AKNA: variants seen among roughly 807,000 people sequenced by gnomAD.
AKNA encodes AT-hook transcription factor.
Under a neutral mutation model 138.8 loss-of-function variants are expected in AKNA, and 67 were observed. The observed-to-expected ratio is 0.48, with a 90% confidence interval of 0.40 to 0.59. The LOEUF (loss-of-function observed/expected upper bound fraction) is 0.59, where lower values mean the gene tolerates loss of function less well. Ranked by LOEUF, AKNA falls within the 20% of genes least tolerant of loss-of-function variation. The pLI, the probability that AKNA is intolerant of heterozygous loss-of-function variation, is 0.00. For missense variants in AKNA, 1,813 were observed against 1,880.4 expected, an observed-to-expected ratio of 0.96 and a Z score of 0.66; for synonymous variants, 737 against 754.4, an observed-to-expected ratio of 0.98 and a Z score of 0.38.
chr9:114,388,179 G>T (rs1388235618), upstream of AKNA: 1 of 216,760 alleles, frequency 4.6e-6, no homozygotes, highest in African/African-American at 2.3e-5. Context: ...CGCAGTCAGC[G>T]CTGCCCAGGA....
At position 114,381,124 on chromosome 9, in the gene AKNA, C is replaced by T. The variant is rs1215417651; in HGVS notation, c.210G>A (p.Glu70=). The change falls in exon 2 of 22, where the codon GAG becomes GAA. Residue 70 remains glutamate, a synonymous_variant. Coordinates refer to ENST00000374088, the MANE Select transcript of AKNA (RefSeq NM_001317950.2). The stretch of plus-strand genomic sequence containing the variant: ...CATCGGGCTGCGGGTGTGGGTCCCA[C>T]TCCAGGGGCGGCAGGTGCTGCTGGG... ...RLAQQHLPPL[E]WDPHPQPDGH... 1.9e-6 allele frequency: 3 copies of T among 1,612,828 alleles called. No individual in the cohort carries two copies. The highest frequency in any genetic ancestry group is 1.3e-5 in the African/African-American group (1 of 75,048).
upstream of AKNA, among the ~76,000 whole-genome samples, chr9:114,390,645 C>T (rs548330134): frequency 3.3e-5 from 5 of 152,358 alleles, no homozygotes; most frequent in East Asian, 1.9e-4. Flanking sequence ...ATGCTTCAGA[C>T]GCACAGCTAG....
chr9:114,376,890 G>A lies in AKNA; in HGVS notation c.917C>T (p.Pro306Leu). 6.2e-7 allele frequency: 1 copy of A among 1,614,226 alleles called. No homozygotes were observed. Among genetic ancestry groups the A allele is most frequent in the African/African-American group, 1.3e-5 (1 of 75,066 alleles). ...GGAGCCAATGAATCGGGAAGGGAGTGGCTTAGGTGACGTCTTTGTCTGCTT... is the reference window on the plus strand; with the variant it reads ...GGAGCCAATGAATCGGGAAGGGAGTAGCTTAGGTGACGTCTTTGTCTGCTT... ...IWKQTKTSPK[P>L]LPSRFIGSIS... Residue 306 changes from proline to leucine, a missense_variant, in exon 3 of 22, where the codon CCA becomes CTA. Coordinates refer to ENST00000374088, the MANE Select transcript of AKNA (RefSeq NM_001317950.2).
In AKNA at chr9:114,381,410, G is replaced by C. The variant is rs543463343; in HGVS notation, c.-77C>G. ...TGCTGCCAGGGGCCCCAGAGTCACC[G>C]CTGGTTCCTGTCAGCATCGGCCATC... is the stretch of plus-strand genomic sequence containing the variant. On this transcript the variant is annotated 5_prime_UTR_variant, in exon 2 of 22. Coordinates refer to ENST00000374088, the MANE Select transcript of AKNA (RefSeq NM_001317950.2). 77 of 1,448,926 alleles carry C rather than the reference G, an allele frequency of 5.3e-5. No homozygotes were observed. Among genetic ancestry groups the C allele is most frequent in the Non-Finnish European group, 7.0e-5 (77 of 1,104,882 alleles). The allele number at this position is 1,448,926 out of a possible 1,614,324, so 89.8% of individuals were successfully genotyped here.
At position 114,355,910 on chromosome 9, in the gene AKNA, G is replaced by T; in HGVS notation, c.3058+15C>A. The T allele has an allele frequency of 6.2e-7, 1 of 1,613,470 alleles. No homozygotes were observed. The highest frequency in any genetic ancestry group is 8.5e-7 in the Non-Finnish European group (1 of 1,179,578). ...AACCCATGCAGTTCTGTCCAAGTCAGACTCCTGCACTCACCCATCTCGGCT... is the reference window on the plus strand; with the variant it reads ...AACCCATGCAGTTCTGTCCAAGTCATACTCCTGCACTCACCCATCTCGGCT... On this transcript the variant is annotated intron_variant, in intron 14 of 21. Transcript: ENST00000374088.
rs1251364863 is a variant in AKNA at position 114,387,982 on chromosome 9, T to G, written c.-236A>C. ...GCCCTGGCCCACCTCCAGGCCGTTC[T>G]GCCAGCCCAAGCTGCTGCTCACAGA... On this transcript the variant is annotated 5_prime_UTR_variant, in exon 1 of 22. Transcript: ENST00000374088. The G allele has an allele frequency of 2.4e-6, 1 of 413,538 alleles. No homozygotes were observed. Among genetic ancestry groups the G allele is most frequent in the Non-Finnish European group, 5.0e-6 (1 of 198,590 alleles). The allele number at this position is 413,538 out of a possible 1,614,324, so 25.6% of individuals were successfully genotyped here. A position where few individuals can be genotyped will look rare whatever the true frequency, so the allele number is the denominator to read the frequency against.
Position 114,376,886 on chromosome 9 carries a change from G to C in AKNA, c.921C>G (p.Leu307=), listed in dbSNP as rs1307100861. The change falls in exon 3 of 22, where the codon CTC becomes CTG. Residue 307 remains leucine (L), a synonymous_variant. Coordinates refer to ENST00000374088, the MANE Select transcript of AKNA (RefSeq NM_001317950.2). ...WKQTKTSPKP[L]PSRFIGSISP... ...TGATGGAGCCAATGAATCGGGAAGG[G>C]AGTGGCTTAGGTGACGTCTTTGTCT... 9.9e-6 allele frequency: 16 copies of C among 1,614,106 alleles called. No individual in the cohort carries two copies. The highest frequency in any genetic ancestry group is 1.3e-5 in the Non-Finnish European group (15 of 1,180,030).
At position 114,359,686 on chromosome 9, in the gene AKNA, C is replaced by T. The variant is rs148322013; in HGVS notation, c.2400G>A (p.Gly800=). 8.7e-6 allele frequency: 14 copies of T among 1,613,040 alleles called. No individual in the cohort carries two copies. The African/African-American group carries it at 1.9e-4, about 22-fold the overall frequency. Residue 800 remains glycine, a synonymous_variant, in exon 11 of 22, where the codon GGG becomes GGA. Transcript: ENST00000374088. ...CTGCTTTCCCTGGAGTTGCAGCCAC[C>T]CCATCAACTTCCAGGGAGTCACCTC... ...EGGGDSLEVD[G]VAATPGKAEA...
downstream of AKNA, among the ~76,000 whole-genome samples, chr9:114,332,561 C>T (rs906024224): frequency 1.3e-5 from 2 of 151,970 alleles, no homozygotes; most frequent in Non-Finnish European, 2.9e-5. Flanking sequence ...AAAACAATTC[C>T]TTCCATTTGC....
chr9:114,369,111 A>G (rs1210926363), intron 4 of AKNA, among the ~76,000 whole-genome samples: 1 of 152,264 alleles, frequency 6.6e-6, no homozygotes, highest in Non-Finnish European at 1.5e-5. Flanking sequence ...TGAACCAGCA[A>G]GTAAACAAAC....
intron 1 of AKNA, among the ~76,000 whole-genome samples, chr9:114,385,188 G>A (rs2132118558): frequency 6.6e-6 from 1 of 152,280 alleles, no homozygotes; most frequent in Admixed American, 6.5e-5. Context: ...TCTAATCCTT[G>A]CTTCTCATAC....
chr9:114,388,124 C>T (rs774911679), upstream of AKNA: 6 of 261,710 alleles, frequency 2.3e-5, no homozygotes, highest in South Asian at 3.1e-5. Flanking sequence ...GGTTTGTCTG[C>T]GTGCAGAGCA....
chr9:114,359,820 T>C lies in AKNA; in HGVS notation c.2292-26A>G, dbSNP rs1370449652. ...CTGCAGAAGAACACACAGAGGGGCA[T>C]GACCTCTGCCCAGTGGGGGACAGCC... On this transcript the variant is annotated intron_variant, in intron 10 of 21. Transcript: ENST00000374088. 1.9e-6 allele frequency: 3 copies of C among 1,609,080 alleles called. No individual in the cohort carries two copies. In the East Asian group the frequency reaches 6.7e-5, roughly 36 times the overall value.
At chr9:114,331,581 C>G (rs146308825), downstream of AKNA, 140 of 1,613,816 alleles carry the variant, frequency 8.7e-5, 2 homozygotes, top group African/African-American at 1.5e-3. Context: ...AGGCCGAGAA[C>G]ATGTTGCTCA....
chr9:114,359,503 G>A, intron 11 of AKNA, 91 bp downstream of exon 11: 1 of 1,598,918 alleles, frequency 6.3e-7, no homozygotes, highest in Non-Finnish European at 8.5e-7. Flanking sequence ...TGTCTAAACT[G>A]TGAAGCGCTG....
intron 20 of AKNA, 88 bp from the exon 21 acceptor site, chr9:114,341,813 T>C (rs1365276424): frequency 7.0e-7 from 1 of 1,429,068 alleles, no homozygotes; most frequent in Non-Finnish European, 9.5e-7. Context: ...GCCCTTCCCC[T>C]ATGAGAGCTG....
intron 19 of AKNA, among the ~76,000 whole-genome samples, chr9:114,342,927 C>T (rs1272655805): frequency 6.6e-6 from 1 of 152,222 alleles, no homozygotes; most frequent in Non-Finnish European, 1.5e-5. Context: ...GACTCTAACA[C>T]TAGCACAGGA....
Position 114,359,486 on chromosome 9 carries a change from T to A in AKNA, c.2492+108A>T, listed in dbSNP as rs191268978. 64 of 1,584,984 alleles carry A rather than the reference T, an allele frequency of 4.0e-5. No homozygotes were observed. In the East Asian group the frequency reaches 1.4e-3, roughly 35 times the overall value. On this transcript the variant is annotated intron_variant, in intron 11 of 21. Coordinates refer to ENST00000374088, the MANE Select transcript of AKNA (RefSeq NM_001317950.2). ...TCCACACTTGAAGAGGCAGGACAGGTAAGCCATGTCTAAACTGTGAAGCGC... is the reference window on the plus strand; with the variant it reads ...TCCACACTTGAAGAGGCAGGACAGGAAAGCCATGTCTAAACTGTGAAGCGC...
At chr9:114,369,229 G>T (rs996030225) in intron 4 of AKNA, among the ~76,000 whole-genome samples, 11 of 152,308 alleles carry the variant, frequency 7.2e-5, no homozygotes, top group African/African-American at 1.9e-4. Context: ...ACCAAGGAAG[G>T]CCTCTTGAAG....
Sources: gnomAD v4.1 joint callset for allele counts (sites outside exome capture counted in the v4.1 genomes callset) on GRCh38, gnomAD v4.1.1 for gene constraint, MANE v1.5 for transcripts, NCBI Gene and HGNC (gene_info 2026-07-23, HGNC 2026-07-21) for gene names.